The following PTPRQ variants were observed in gnomAD, a reference collection of about 807,000 sequenced individuals.
PTPRQ encodes the protein protein tyrosine phosphatase receptor type Q, also known as phosphatidylinositol phosphatase PTPRQ.
In PTPRQ, 199 loss-of-function variants were observed where a neutral mutation model predicts 246.0. The observed-to-expected ratio is 0.81, with a 90% confidence interval of 0.72 to 0.91. PTPRQ has a LOEUF of 0.91. Ranked by LOEUF, PTPRQ falls within the 40% of genes least tolerant of loss-of-function variation. PTPRQ has a pLI of 0.00. For synonymous variants in PTPRQ, 869 were observed against 853.2 expected, an observed-to-expected ratio of 1.02 and a Z score of -0.32; for missense variants, 2,624 against 2,528.4, an observed-to-expected ratio of 1.04 and a Z score of -0.81.
In PTPRQ at chr12:80,534,883, G is replaced by T; in HGVS notation, c.2840-9G>T. On this transcript the variant is annotated splice_polypyrimidine_tract_variant and intron_variant, in intron 18 of 44. Coordinates refer to ENST00000644991, the MANE Select transcript of PTPRQ (RefSeq NM_001145026.2). ...AATACAGTAATTTGTTCAATTATTT[G>T]TTTTATAGCACCAAGCGATCCTCCC... 6.5e-7 allele frequency: 1 copy of T among 1,543,462 alleles called. No individual in the cohort carries two copies. Among genetic ancestry groups the T allele is most frequent in the Non-Finnish European group, 8.7e-7 (1 of 1,143,874 alleles).
At chr12:80,488,269 C>T (rs1291172033) in intron 9 of PTPRQ, among the ~76,000 whole-genome samples, 2 of 151,906 alleles carry the variant, frequency 1.3e-5, no homozygotes, top group African/African-American at 2.4e-5. Flanking sequence ...GGAGATTTTA[C>T]AAAGCAGGAA....
intron 14 of PTPRQ, among the ~76,000 whole-genome samples, chr12:80,499,362 T>G (rs185897184): frequency 6.6e-6 from 1 of 152,148 alleles, no homozygotes; most frequent in African/African-American, 2.4e-5. Context: ...CAATGGAATC[T>G]ACATTAGTGA....
chr12:80,461,927 G>C (rs1355469338), intron 6 of PTPRQ: 1 of 15,758 alleles, frequency 6.3e-5, no homozygotes, highest in African/African-American at 2.3e-4. Context: ...ACAGCTCCCA[G>C]CATGAGCGAT....
chr12:80,511,056 T>C (rs1350882508), intron 17 of PTPRQ, among the ~76,000 whole-genome samples: 2 of 152,170 alleles, frequency 1.3e-5, no homozygotes. Context: ...CTCTTTAGAT[T>C]CACCAATTAG....
intron 6 of PTPRQ, chr12:80,461,860 A>T (rs934509163): frequency 7.9e-5 from 12 of 151,390 alleles, no homozygotes; most frequent in Non-Finnish European, 1.5e-4. Flanking sequence ...CTTTTTATAC[A>T]ATAAAAAAAT....
chr12:80,622,061 A>G lies in PTPRQ; in HGVS notation c.5613A>G (p.Leu1871=), dbSNP rs769500158. The change falls in exon 33 of 45, where the codon TTA becomes TTG. Residue 1871 remains leucine (L), a splice_region_variant and synonymous_variant. Transcript: ENST00000644991. The part of the protein sequence containing the change: ...NGPLKPKKQY[L]FKFRATNIMG... ...TGATTTTTCTTTTTTTATTTTATAG[A>G]TTTAAATTTAGAGCTACAAATATTA... 25 of 1,392,064 alleles carry G rather than the reference A, an allele frequency of 1.8e-5. No individual in the cohort carries two copies. The highest frequency in any genetic ancestry group is 2.2e-5 in the Non-Finnish European group (23 of 1,057,356). 86.2% of individuals were successfully genotyped at this position (1,392,064 alleles called of 1,614,324 possible).
chr12:80,667,577 G>A (rs1565850221), intron 39 of PTPRQ, among the ~76,000 whole-genome samples: 2 of 151,728 alleles, frequency 1.3e-5, no homozygotes, highest in Non-Finnish European at 2.9e-5. Flanking sequence ...AGGAATTTCA[G>A]TGTCTTTGGT....
rs1380355652 is a variant in PTPRQ, at chr12:80,524,735, GA to G, written c.2679-9276del. On this transcript the variant is annotated intron_variant, in intron 17 of 44. Transcript: ENST00000644991. The stretch of plus-strand genomic sequence containing the variant: ...TTTCTTTTTTCAAAAATACCACAGA[GA>G]AAAGAATATTATCCCCATTTTATAG... Among the ~76,000 whole-genome samples, 3 of 151,944 alleles carry G rather than the reference GA, an allele frequency of 2.0e-5. No individual in the cohort carries two copies. The East Asian group carries it at 5.8e-4, about 29-fold the overall frequency.
At chr12:80,605,017 T>A in intron 26 of PTPRQ, 42 bp from the exon 27 acceptor site, 1 of 1,504,994 alleles carries the variant, frequency 6.6e-7, no homozygotes. Context: ...TAGCAAGTAC[T>A]AATTCTAATG....
At chr12:80,496,841 A>G (rs1894641779) in intron 14 of PTPRQ, among the ~76,000 whole-genome samples, 1 of 152,054 alleles carries the variant, frequency 6.6e-6, no homozygotes, top group South Asian at 2.1e-4. Context: ...CTTGCTTTCG[A>G]GTTAGGTAAA....
chr12:80,535,325 G>A (rs1895954878), intron 19 of PTPRQ, among the ~76,000 whole-genome samples: 1 of 151,998 alleles, frequency 6.6e-6, no homozygotes, highest in Non-Finnish European at 1.5e-5. Context: ...TATAAAGATG[G>A]CCCTCAATTA....
intron 17 of PTPRQ, among the ~76,000 whole-genome samples, chr12:80,528,049 C>T (rs1458908039): frequency 6.6e-6 from 1 of 152,034 alleles, no homozygotes; most frequent in Non-Finnish European, 1.5e-5. Flanking sequence ...TGTGATCATA[C>T]CACTGCACTC....
intron 17 of PTPRQ, among the ~76,000 whole-genome samples, chr12:80,532,654 G>A (rs1895877947): frequency 6.6e-6 from 1 of 152,156 alleles, no homozygotes; most frequent in Non-Finnish European, 1.5e-5. Flanking sequence ...AATAGCCACA[G>A]TATCAAGAGT....
intron 17 of PTPRQ, among the ~76,000 whole-genome samples, chr12:80,514,406 T>A (rs867673416): frequency 7.1e-4 from 37 of 51,970 alleles, no homozygotes; most frequent in Non-Finnish European, 9.9e-4. Context: ...ACACACACTC[T>A]CTCTCTCTCT....
chr12:80,510,582 A>G (rs1895097009), intron 17 of PTPRQ, 139 bp downstream of exon 17: 1 of 965,580 alleles, frequency 1.0e-6, no homozygotes, highest in Non-Finnish European at 1.4e-6. Context: ...TGTTTTGATT[A>G]AGAAACAAGT....
At chr12:80,482,001 TC>T (rs1280487007) in intron 8 of PTPRQ, among the ~76,000 whole-genome samples, 1 of 134,970 alleles carries the variant, frequency 7.4e-6, no homozygotes, top group East Asian at 2.0e-4. Context: ...CCAATGCCTT[TC>T]TTCACAGAAT....
intron 26 of PTPRQ, among the ~76,000 whole-genome samples, chr12:80,594,742 T>TTG (rs1486101145): frequency 6.6e-6 from 1 of 152,064 alleles, no homozygotes; most frequent in African/African-American, 2.4e-5. Context: ...CTGAGTCCTA[T>TTG]TGTATTTACC....
intron 30 of PTPRQ, among the ~76,000 whole-genome samples, chr12:80,617,921 T>G (rs1159482716): frequency 6.6e-6 from 1 of 151,396 alleles, no homozygotes; most frequent in Non-Finnish European, 1.5e-5. Flanking sequence ...CAGAACTACC[T>G]GAAACCTGAG....
chr12:80,665,637 G>A (rs1378021044), intron 39 of PTPRQ, among the ~76,000 whole-genome samples: 1 of 151,660 alleles, frequency 6.6e-6, no homozygotes, highest in African/African-American at 2.4e-5. Context: ...TGCACACAAA[G>A]GAAACAATCA....
Sources: gnomAD v4.1 joint callset for allele counts (sites outside exome capture counted in the v4.1 genomes callset) on GRCh38, gnomAD v4.1.1 for gene constraint, MANE v1.5 for transcripts, NCBI Gene and HGNC (gene_info 2026-07-23, HGNC 2026-07-21) for gene names.